AURKB: variants seen among roughly 807,000 people sequenced by gnomAD.
AURKB encodes the protein aurora kinase B-Sv1.
Under a neutral mutation model 36.5 loss-of-function variants are expected in AURKB, and 28 were observed. That is an observed-to-expected ratio of 0.77 (90% confidence interval 0.57 to 1.05). The LOEUF is 1.05. Among genes scored for constraint, AURKB ranks in the 50% least tolerant of loss-of-function variants. AURKB has a pLI of 0.00. For missense variants in AURKB, 383 were observed against 447.4 expected (o/e 0.86, Z 1.30); for synonymous variants, 175 against 172.9 (o/e 1.01, Z -0.09).
At chr17:8,208,617 T>TAAAC (rs1274388308) in intron 2 of AURKB, among the ~76,000 whole-genome samples, 1 of 148,800 alleles carries the variant, frequency 6.7e-6, no homozygotes, top group African/African-American at 2.5e-5. Context: ...AATAAATAAA[T>TAAAC]AAATAAATAA....
chr17:8,209,193 A>G (rs775224286), intron 2 of AURKB, among the ~76,000 whole-genome samples: 64 of 152,130 alleles, frequency 4.2e-4, no homozygotes, highest in Non-Finnish European at 6.6e-4. Context: ...TTGTATTTTT[A>G]GTAGAGACGG....
intron 2 of AURKB, chr17:8,209,934 A>AG (rs1985881967): frequency 3.4e-6 from 2 of 582,448 alleles, no homozygotes; most frequent in African/African-American, 1.9e-5. Context: ...GTATGTGACG[A>AG]GCCCTGCAGA....
chr17:8,207,105 A>T, intron 5 of AURKB, 71 bp downstream of exon 5: 1 of 1,539,706 alleles, frequency 6.5e-7, no homozygotes, highest in Non-Finnish European at 8.8e-7. Context: ...AATCTGGATG[A>T]AGTGGGGCTG....
chr17:8,210,460 A>G (rs1985953882), intron 1 of AURKB, 70 bp downstream of exon 1: 2 of 554,100 alleles, frequency 3.6e-6, no homozygotes, highest in Non-Finnish European at 6.3e-6. Context: ...GGCCAGCCCA[A>G]CGGACCCTCT....
chr17:8,208,629 T>TAAATAAAA (rs1162327616), intron 2 of AURKB, among the ~76,000 whole-genome samples: 11 of 143,664 alleles, frequency 7.7e-5, no homozygotes, highest in East Asian at 6.3e-4. Flanking sequence ...AATAAATAAA[T>TAAATAAAA]AAAAAATAAA....
intron 2 of AURKB, among the ~76,000 whole-genome samples, chr17:8,209,324 C>A (rs1170032450): frequency 1.3e-5 from 2 of 152,076 alleles, no homozygotes; most frequent in African/African-American, 4.8e-5. Flanking sequence ...TTTCAACTCT[C>A]AAAATAATAG....
intron 2 of AURKB, among the ~76,000 whole-genome samples, chr17:8,208,582 C>A (rs1446128936): frequency 7.0e-6 from 1 of 143,416 alleles, no homozygotes; most frequent in Non-Finnish European, 1.5e-5. Flanking sequence ...CACAGTGAGG[C>A]TCCGTCTCAA....
intron 2 of AURKB, 107 bp downstream of exon 2, chr17:8,210,070 G>T: frequency 7.0e-7 from 1 of 1,429,084 alleles, no homozygotes; most frequent in East Asian, 2.3e-5. Context: ...GGAGCATAAC[G>T]GGGAAGAAAG....
At position 8,210,542 on chromosome 17, in the gene AURKB, G is replaced by C; in HGVS notation, c.-38C>G. On this transcript the variant is annotated 5_prime_UTR_variant, in exon 1 of 9. Transcript: ENST00000585124. ...GAGGCCAGCTCACCTGGGGTCCAAG[G>C]CACTGCTACTCTCCCGGCCGCCCGC... The C allele has an allele frequency of 2.3e-6, 1 of 428,650 alleles. No individual in the cohort carries two copies. Among genetic ancestry groups the C allele is most frequent in the Non-Finnish European group, 4.2e-6 (1 of 239,548 alleles). The allele number at this position is 428,650 out of a possible 1,614,324, so 26.6% of individuals were successfully genotyped here. A position where few individuals can be genotyped will look rare whatever the true frequency, so the allele number is the denominator to read the frequency against.
In AURKB at chr17:8,207,203, C is replaced by T. The variant is rs1470035595; in HGVS notation, c.371G>A (p.Arg124Lys). ...EKEGVEHQLR[R>K]EIEIQAHLHH... The stretch of plus-strand genomic sequence containing the variant: ...CAGGTGGGCCTGGATTTCGATCTCT[C>T]TGCGCAGCTGATGCTCCACGCCCTC... The change falls in exon 5 of 9, where the codon AGA becomes AAA. Residue 124 changes from arginine to lysine, a missense_variant. This residue lies in a region of AURKB where 59 missense variants were observed against 99.0 expected (regional missense o/e 0.60). Coordinates refer to ENST00000585124, the MANE Select transcript of AURKB (RefSeq NM_004217.4). The T allele has an allele frequency of 6.2e-7, 1 of 1,613,950 alleles. No homozygotes were observed. Among genetic ancestry groups the T allele is most frequent in the Non-Finnish European group, 8.5e-7 (1 of 1,179,948 alleles).
At chr17:8,205,532 G>A in intron 7 of AURKB, 142 bp from the exon 8 acceptor site, 1 of 1,012,446 alleles carries the variant, frequency 9.9e-7, no homozygotes, top group Non-Finnish European at 1.4e-6. Flanking sequence ...GAGTGGGGGT[G>A]GGGTTGGGGT....
At chr17:8,207,892 G>T in intron 2 of AURKB, 52 bp from the exon 3 acceptor site, 2 of 1,451,334 alleles carry the variant, frequency 1.4e-6, no homozygotes, top group Non-Finnish European at 1.9e-6. Flanking sequence ...GATGACCGGG[G>T]TGGAATGTGC....
intron 2 of AURKB, 49 bp from the exon 3 acceptor site, chr17:8,207,889 G>A (rs377397203): frequency 3.1e-5 from 46 of 1,460,436 alleles, no homozygotes; most frequent in Middle Eastern, 2.0e-4. Context: ...TCTGATGACC[G>A]GGGTGGAATG....
Position 8,206,419 on chromosome 17 carries a change from C to T in AURKB, c.686+72G>A, listed in dbSNP as rs1597346986. The T allele has an allele frequency of 3.8e-6, 6 of 1,578,962 alleles. No individual in the cohort carries two copies. Among genetic ancestry groups the T allele is most frequent in the South Asian group, 2.3e-5 (2 of 88,260 alleles). On this transcript the variant is annotated intron_variant, in intron 7 of 8. Coordinates refer to ENST00000585124, the MANE Select transcript of AURKB (RefSeq NM_004217.4). The surrounding 1 kb of genome is among the most constrained non-coding windows in gnomAD (Gnocchi z 4.2). ...GTGCTGGGATTACAGGTGTGAGCCA[C>T]GGTGCACGGCCCCTGGAGAGGTTTT... is the stretch of plus-strand genomic sequence containing the variant.
rs1191377562 is a variant in AURKB at position 8,206,519 on chromosome 17, C to T, written c.658G>A (p.Gly220Ser). ...AGGGAGGGCGCATGCACAGACCAGC[C>T]GAAGTCAGCAATCTTCAGCTCTCCC... ...LKGELKIADF[G>S]WSVHAPSLRR... The change falls in exon 7 of 9, where the codon GGC becomes AGC. Residue 220 changes from glycine to serine, a missense_variant. Around this residue, in one of 3 missense-constraint regions of AURKB, gnomAD observed 219 missense variants for 252.6 expected, o/e 0.87. Transcript: ENST00000585124. The surrounding 1 kb of genome is among the most constrained non-coding windows in gnomAD (Gnocchi z 4.2). The T allele has an allele frequency of 8.7e-6, 14 of 1,614,048 alleles. No individual in the cohort carries two copies. Among genetic ancestry groups the T allele is most frequent in the Non-Finnish European group, 1.2e-5 (14 of 1,180,040 alleles).
rs1984983346 is a variant in AURKB at position 8,204,805 on chromosome 17, T to TCC, written c.*64_*65dup. 1.3e-6 allele frequency: 2 copies of TCC among 1,572,270 alleles called. No individual in the cohort carries two copies. On this transcript the variant is annotated 3_prime_UTR_variant, in exon 9 of 9. Transcript: ENST00000585124. ...AAACAGATAAGGGAACAGTTAGGGATCCCTTCTTTCCCCTATACATACACA... is the reference window on the plus strand; with the variant it reads ...AAACAGATAAGGGAACAGTTAGGGATCCCCCTTCTTTCCCCTATACATACACA...
chr17:8,204,965 TC>T lies in AURKB; in HGVS notation c.940del (p.Glu314AsnfsTer56). ...TGAGACCTGGGCCAGGGGCAGCCGT[TC>T]CGAGGGGTTATGCCTGAGCAGTTTG... The part of the protein sequence containing the change: ...ISKLLRHNPS[E>X]RLPLAQVSAH... On this transcript the variant is annotated frameshift_variant, in exon 9 of 9. Transcript: ENST00000585124. LOFTEE classifies it high-confidence loss of function. The T allele has an allele frequency of 1.9e-6, 3 of 1,610,098 alleles. No individual in the cohort carries two copies. The highest frequency in any genetic ancestry group is 2.5e-6 in the Non-Finnish European group (3 of 1,179,096).
Position 8,204,986 on chromosome 17 carries a change from A to G in AURKB, c.920T>C (p.Leu307Pro). 1 of 1,606,476 alleles carries G rather than the reference A, an allele frequency of 6.2e-7. No individual in the cohort carries two copies. The highest frequency in any genetic ancestry group is 8.5e-7 in the Non-Finnish European group (1 of 1,177,780). Residue 307 changes from leucine to proline, a missense_variant, in exon 9 of 9, where the codon CTG becomes CCG. Leu to Pro is a moderately conservative substitution (Grantham distance 98). This residue lies in a region of AURKB where 219 missense variants were observed against 252.6 expected (regional missense o/e 0.87). Coordinates refer to ENST00000585124, the MANE Select transcript of AURKB (RefSeq NM_004217.4). ...CCGTTCCGAGGGGTTATGCCTGAGC[A>G]GTTTGGAGATGAGGTCCTGGGCTCC... ...PMGAQDLISK[L>P]LRHNPSERLP...
intron 8 of AURKB, 54 bp downstream of exon 8, chr17:8,205,162 G>A (rs760871374): frequency 6.1e-5 from 95 of 1,564,308 alleles, no homozygotes; most frequent in Non-Finnish European, 5.4e-5. Context: ...CCCACCCCCA[G>A]CCCCCCAGCT....
Sources: gnomAD v4.1 joint callset for allele counts (sites outside exome capture counted in the v4.1 genomes callset) on GRCh38, gnomAD v4.1.1 for gene constraint, gnomAD v4.1.1 regional missense constraint, Gnocchi (gnomAD v3.1) non-coding constraint, MANE v1.5 for transcripts, NCBI Gene and HGNC (gene_info 2026-07-23, HGNC 2026-07-21) for gene names.